Variants in FGD4 observed in about 807,000 individuals in gnomAD.
FGD4 encodes FYVE, RhoGEF and PH domain containing 4, also known as FYVE, RhoGEF and PH domain-containing protein 4.
In FGD4, 42 loss-of-function variants were observed where a neutral mutation model predicts 102.0. The observed-to-expected ratio is 0.41, with a 90% confidence interval of 0.32 to 0.53. FGD4 has a LOEUF of 0.53. Among genes scored for constraint, FGD4 ranks in the 20% least tolerant of loss-of-function variants. The pLI is 0.21. For synonymous variants in FGD4, 380 were observed against 375.7 expected (o/e 1.01, Z -0.13); for missense variants, 902 against 1,078.2 (o/e 0.84, Z 2.29).
At chr12:32,527,552 C>T (rs1424539669) in intron 1 of FGD4, among the ~76,000 whole-genome samples, 2 of 152,180 alleles carry the variant, frequency 1.3e-5, no homozygotes, top group African/African-American at 2.4e-5. Context: ...GTTTCAGCCT[C>T]CCGAGTAGCT....
chr12:32,526,727 G>T (rs1472154890), intron 1 of FGD4, among the ~76,000 whole-genome samples: 1 of 152,114 alleles, frequency 6.6e-6, no homozygotes, highest in Admixed American at 6.6e-5. Context: ...GCTTTTATGA[G>T]CTGTAACACT....
intron 1 of FGD4, among the ~76,000 whole-genome samples, chr12:32,556,387 T>G (rs1361389055): frequency 6.6e-6 from 1 of 152,228 alleles, no homozygotes; most frequent in African/African-American, 2.4e-5. Context: ...AACTGAATTC[T>G]GCACCCACTA....
intron 10 of FGD4, among the ~76,000 whole-genome samples, chr12:32,615,824 G>A (rs576151265): frequency 6.6e-6 from 1 of 152,216 alleles, no homozygotes; most frequent in African/African-American, 2.4e-5. Context: ...TTTCTTTAGG[G>A]GTTAGGGGCT....
At chr12:32,520,433 G>GT (rs1374009063) in intron 1 of FGD4, among the ~76,000 whole-genome samples, 3 of 103,060 alleles carry the variant, frequency 2.9e-5, no homozygotes, top group Non-Finnish European at 4.9e-5. Flanking sequence ...GGGTTTTTTT[G>GT]TTTTTTGTTT....
chr12:32,564,288 A>G lies in FGD4; in HGVS notation c.318A>G (p.Gln106=), dbSNP rs746841658. 4.5e-5 allele frequency: 69 copies of G among 1,535,726 alleles called. No individual in the cohort carries two copies. In the Admixed American group the frequency reaches 6.3e-4, roughly 14 times the overall value. The change falls in exon 2 of 17, where the codon CAA becomes CAG. Residue 106 remains glutamine (Q), a splice_region_variant and synonymous_variant. Transcript: ENST00000534526. The stretch of plus-strand genomic sequence containing the variant: ...ACTCAGCTGCAAGTCCAAAGCCACA[A>G]GGTATGCTCACTGGGAGTTTGTGTT... ...AKHSAASPKP[Q]VPPKPLHLQN... is the part of the protein sequence containing the mutation.
chr12:32,542,257 T>C (rs1242754207), intron 1 of FGD4, among the ~76,000 whole-genome samples: 1 of 152,134 alleles, frequency 6.6e-6, no homozygotes, highest in Non-Finnish European at 1.5e-5. Flanking sequence ...TTTACAGAAA[T>C]AGTGTTAGGC....
intron 1 of FGD4, among the ~76,000 whole-genome samples, chr12:32,440,484 T>A (rs1942394146): frequency 6.6e-6 from 1 of 152,216 alleles, no homozygotes; most frequent in Admixed American, 6.5e-5. Flanking sequence ...TTGTCTTCCC[T>A]TACTTTCTCC....
At chr12:32,523,501 G>A (rs190591235) in intron 1 of FGD4, among the ~76,000 whole-genome samples, 2 of 152,154 alleles carry the variant, frequency 1.3e-5, no homozygotes, top group African/African-American at 4.8e-5. Context: ...TGGGTGGACC[G>A]AGGACTGTCA....
chr12:32,451,158 G>T (rs1942764181), intron 1 of FGD4, among the ~76,000 whole-genome samples: 1 of 151,956 alleles, frequency 6.6e-6, no homozygotes, highest in South Asian at 2.1e-4. Context: ...GCATTTTTTT[G>T]GTCAGTCCTT....
chr12:32,528,419 C>T (rs989828220), intron 1 of FGD4, among the ~76,000 whole-genome samples: 9 of 151,950 alleles, frequency 5.9e-5, no homozygotes, highest in East Asian at 1.9e-4. Context: ...GACGGAGCCT[C>T]GCTCTGTCGC....
chr12:32,587,187 CAAAAAAAAAA>C (rs1181469038), intron 4 of FGD4, among the ~76,000 whole-genome samples: 1 of 66,116 alleles, frequency 1.5e-5, no homozygotes, highest in Non-Finnish European at 3.2e-5. Context: ...GAGACTCTCT[CAAAAAAAAAA>C]AAAAAAAAAA....
intron 14 of FGD4, among the ~76,000 whole-genome samples, chr12:32,626,281 C>T (rs961193116): frequency 2.0e-5 from 3 of 152,020 alleles, no homozygotes; most frequent in African/African-American, 7.2e-5. Context: ...CCCGTCTTTA[C>T]TAAAAATACA....
intron 1 of FGD4, among the ~76,000 whole-genome samples, chr12:32,450,916 T>C (rs1942756329): frequency 6.6e-6 from 1 of 152,198 alleles, no homozygotes; most frequent in Non-Finnish European, 1.5e-5. Flanking sequence ...CAGTCTCCCA[T>C]TGCTGCTGCT....
chr12:32,480,974 A>G (rs535665306), intron 1 of FGD4, among the ~76,000 whole-genome samples: 69 of 151,502 alleles, frequency 4.6e-4, no homozygotes, highest in Middle Eastern at 3.4e-3. Flanking sequence ...CGGCCAATGT[A>G]AAAATAATTG....
chr12:32,632,435 G>A (rs1950545623), intron 14 of FGD4, among the ~76,000 whole-genome samples: 2 of 152,178 alleles, frequency 1.3e-5, no homozygotes, highest in Admixed American at 1.3e-4. Context: ...TTGAGGAACT[G>A]GAGTTTGAGC....
intron 1 of FGD4, among the ~76,000 whole-genome samples, chr12:32,423,591 C>CAA (rs35872227): frequency 1.6e-4 from 12 of 72,828 alleles, no homozygotes; most frequent in African/African-American, 2.1e-4. Context: ...GACTTCATCT[C>CAA]AAAAAAAAAA....
chr12:32,446,335 C>G (rs1480712354), intron 1 of FGD4, among the ~76,000 whole-genome samples: 2 of 152,048 alleles, frequency 1.3e-5, no homozygotes, highest in African/African-American at 4.8e-5. Context: ...GCCCAGCCCC[C>G]ACCCTCACCC....
intron 1 of FGD4, among the ~76,000 whole-genome samples, chr12:32,526,419 C>T (rs1941211842): frequency 1.3e-5 from 2 of 152,198 alleles, no homozygotes; most frequent in Non-Finnish European, 2.9e-5. Flanking sequence ...TCTAGCTGCT[C>T]TAGTGGGGCC....
chr12:32,613,463 C>T (rs1344632762), intron 10 of FGD4, among the ~76,000 whole-genome samples: 2 of 152,140 alleles, frequency 1.3e-5, no homozygotes, highest in Non-Finnish European at 2.9e-5. Flanking sequence ...GATAAGACAT[C>T]AGTTTGAGGC....
Sources: gnomAD v4.1 joint callset for allele counts (sites outside exome capture counted in the v4.1 genomes callset) on GRCh38, gnomAD v4.1.1 for gene constraint, MANE v1.5 for transcripts, NCBI Gene and HGNC (gene_info 2026-07-23, HGNC 2026-07-21) for gene names.